PTPRM: variants seen among roughly 807,000 people sequenced by gnomAD.
The protein encoded by PTPRM is protein tyrosine phosphatase receptor type M.
A neutral mutation model predicts 186.7 loss-of-function variants in PTPRM; 47 were observed. The observed-to-expected ratio is 0.25, with a 90% CI of 0.20 to 0.32. The LOEUF is 0.32. Among genes scored for constraint, PTPRM ranks in the 10% least tolerant of loss-of-function variants. The pLI is 1.00. For synonymous variants in PTPRM, 668 were observed against 674.9 expected (o/e 0.99, Z 0.16); for missense variants, 1,494 against 1,865.0 (o/e 0.80, Z 3.66).
intron 1 of PTPRM, among the ~76,000 whole-genome samples, chr18:7,727,869 CA>C (rs2040580675): frequency 6.6e-6 from 1 of 152,170 alleles, no homozygotes; most frequent in South Asian, 2.1e-4. Flanking sequence ...GGCACTAGGC[CA>C]GGTGCTTTAC....
At chr18:8,382,536 A>G (rs1309657816) in intron 29 of PTPRM, among the ~76,000 whole-genome samples, 3 of 152,226 alleles carry the variant, frequency 2.0e-5, no homozygotes, top group Non-Finnish European at 2.9e-5. Context: ...AGGCAGTTTT[A>G]TAACTTGTCA....
At chr18:7,991,513 C>A (rs2147633523) in intron 7 of PTPRM, among the ~76,000 whole-genome samples, 1 of 152,186 alleles carries the variant, frequency 6.6e-6, no homozygotes, top group East Asian at 1.9e-4. Flanking sequence ...TATTGGTTTG[C>A]AAGGCAGTAG....
At chr18:7,580,630 TG>T (rs1310392879) in intron 1 of PTPRM, among the ~76,000 whole-genome samples, 1 of 152,232 alleles carries the variant, frequency 6.6e-6, no homozygotes, top group Non-Finnish European at 1.5e-5. Context: ...AATAGTGTGC[TG>T]AGAGGGTATG....
intron 22 of PTPRM, among the ~76,000 whole-genome samples, chr18:8,326,015 T>TG (rs1223188730): frequency 6.6e-6 from 1 of 152,224 alleles, no homozygotes; most frequent in African/African-American, 2.4e-5. Flanking sequence ...AAATTTTTAA[T>TG]GGGGTTATTT....
At chr18:7,819,076 G>T (rs1433118737) in intron 2 of PTPRM, among the ~76,000 whole-genome samples, 1 of 152,180 alleles carries the variant, frequency 6.6e-6, no homozygotes, top group Non-Finnish European at 1.5e-5. Context: ...TACAGATAGT[G>T]GGCCTGAGAA....
chr18:8,322,997 A>G (rs979364897), intron 22 of PTPRM, among the ~76,000 whole-genome samples: 7 of 151,678 alleles, frequency 4.6e-5, no homozygotes, highest in African/African-American at 1.7e-4. Context: ...ATTTTATTTT[A>G]TTTTTTGTAG....
intron 19 of PTPRM, among the ~76,000 whole-genome samples, chr18:8,291,968 C>A (rs2095048046): frequency 6.6e-6 from 1 of 152,072 alleles, no homozygotes; most frequent in Non-Finnish European, 1.5e-5. Flanking sequence ...AGCTGCACAT[C>A]TGTGGCAGTC....
intron 1 of PTPRM, among the ~76,000 whole-genome samples, chr18:7,588,427 A>C (rs1018694525): frequency 1.3e-5 from 2 of 152,174 alleles, no homozygotes; most frequent in Non-Finnish European, 2.9e-5. Context: ...AAAAATCACT[A>C]CATAAATATT....
chr18:8,155,483 A>G (rs527980571), intron 14 of PTPRM, among the ~76,000 whole-genome samples: 16 of 152,370 alleles, frequency 1.1e-4, no homozygotes, highest in African/African-American at 3.6e-4. Flanking sequence ...ATAGGTAAAT[A>G]TAACTATTTT....
intron 23 of PTPRM, among the ~76,000 whole-genome samples, chr18:8,359,230 G>T (rs1644673817): frequency 6.6e-6 from 1 of 152,212 alleles, no homozygotes; most frequent in South Asian, 2.1e-4. Context: ...TGCCACAGTG[G>T]CAGGATATTA....
At chr18:8,280,638 T>C (rs996454121) in intron 19 of PTPRM, among the ~76,000 whole-genome samples, 2 of 152,170 alleles carry the variant, frequency 1.3e-5, no homozygotes, top group Non-Finnish European at 2.9e-5. Flanking sequence ...AAAATTCAGT[T>C]CCTTGGTCAT....
chr18:8,257,232 C>G (rs921626641), intron 19 of PTPRM, among the ~76,000 whole-genome samples: 3 of 152,108 alleles, frequency 2.0e-5, no homozygotes, highest in Non-Finnish European at 2.9e-5. Context: ...CAGGTAGACC[C>G]AAAAGCAGGA....
intron 1 of PTPRM, among the ~76,000 whole-genome samples, chr18:7,604,880 C>A (rs1396296743): frequency 6.6e-6 from 1 of 152,152 alleles, no homozygotes; most frequent in African/African-American, 2.4e-5. Flanking sequence ...TAAAATAGTT[C>A]TAATATGCTC....
At chr18:8,187,620 G>T (rs1568487055) in intron 14 of PTPRM, among the ~76,000 whole-genome samples, 1 of 152,218 alleles carries the variant, frequency 6.6e-6, no homozygotes, top group Non-Finnish European at 1.5e-5. Context: ...GCTTCAGAGA[G>T]ATCAGCAGAA....
chr18:7,889,152 G>A (rs1415666211), intron 3 of PTPRM, among the ~76,000 whole-genome samples: 1 of 151,904 alleles, frequency 6.6e-6, no homozygotes, highest in African/African-American at 2.4e-5. Flanking sequence ...TTTTATAACA[G>A]TGCAAGAAAA....
chr18:8,169,168 C>G (rs1447138755), intron 14 of PTPRM, among the ~76,000 whole-genome samples: 1 of 152,058 alleles, frequency 6.6e-6, no homozygotes, highest in Non-Finnish European at 1.5e-5. Flanking sequence ...ATGAGAAACA[C>G]CACACCTAGC....
chr18:8,324,258 A>G (rs1244455254), intron 22 of PTPRM, among the ~76,000 whole-genome samples: 1 of 152,164 alleles, frequency 6.6e-6, no homozygotes, highest in East Asian at 1.9e-4. Flanking sequence ...ACCCTGTAGT[A>G]AAATACCCTA....
chr18:7,927,477 T>G (rs1182246428), intron 5 of PTPRM, among the ~76,000 whole-genome samples: 1 of 124,644 alleles, frequency 8.0e-6, no homozygotes, highest in African/African-American at 4.0e-5. Context: ...TGGGTGTGGG[T>G]TTTTTTTTTT....
At chr18:8,216,170 A>G (rs574694636) in intron 14 of PTPRM, among the ~76,000 whole-genome samples, 4 of 151,696 alleles carry the variant, frequency 2.6e-5, no homozygotes, top group African/African-American at 4.8e-5. Context: ...TGGTCATTCT[A>G]TTTCTAACCC....
Sources: gnomAD v4.1 joint callset for allele counts (sites outside exome capture counted in the v4.1 genomes callset) on GRCh38, gnomAD v4.1.1 for gene constraint, MANE v1.5 for transcripts, NCBI Gene and HGNC (gene_info 2026-07-23, HGNC 2026-07-21) for gene names.